The following CPS1 variants were observed in gnomAD, a reference collection of about 807,000 sequenced individuals.
CPS1 encodes the protein carbamoyl-phosphate synthase 1, also known as carbamoyl-phosphate synthase [ammonia], mitochondrial.
Under a neutral mutation model 174.6 loss-of-function variants are expected in CPS1, and 109 were observed. That is an observed-to-expected ratio of 0.62 (90% CI 0.53 to 0.73). The LOEUF (loss-of-function observed/expected upper bound fraction) is 0.73. Ranked by LOEUF, CPS1 falls within the 30% of genes least tolerant of loss-of-function variation. CPS1 has a pLI of 0.00. For synonymous variants in CPS1, 637 were observed against 632.0 expected, an observed-to-expected ratio of 1.01 and a Z score of -0.12; for missense variants, 1,689 against 1,821.9, an observed-to-expected ratio of 0.93 and a Z score of 1.33.
chr2:210,496,241 T>C (rs1184591857), intron 1 of CPS1, among the ~76,000 whole-genome samples: 1 of 151,714 alleles, frequency 6.6e-6, no homozygotes, highest in Non-Finnish European at 1.5e-5. Context: ...CATTTTACTA[T>C]GTAAGGAATG....
intron 21 of CPS1, among the ~76,000 whole-genome samples, chr2:210,630,206 C>T (rs1222583717): frequency 2.6e-5 from 4 of 151,852 alleles, no homozygotes; most frequent in Non-Finnish European, 5.9e-5. Context: ...ATTCATAGAG[C>T]ATAATTATGA....
At chr2:210,554,462 G>T (rs2106032618), upstream of CPS1, among the ~76,000 whole-genome samples, 1 of 151,790 alleles carries the variant, frequency 6.6e-6, no homozygotes, top group South Asian at 2.1e-4. Flanking sequence ...ATGCTTTGTA[G>T]TCAACTGCTA....
chr2:210,590,946 G>T, intron 9 of CPS1, 40 bp downstream of exon 9: 1 of 1,496,614 alleles, frequency 6.7e-7, no homozygotes, highest in South Asian at 1.1e-5. Flanking sequence ...AACCAGCTCT[G>T]ACATACTAAC....
intron 36 of CPS1, among the ~76,000 whole-genome samples, chr2:210,676,045 A>G (rs575208470): frequency 4.6e-5 from 7 of 152,352 alleles, no homozygotes; most frequent in Non-Finnish European, 7.3e-5. Context: ...ACGTGTTTCA[A>G]AATACTTCTT....
rs572099692 is a variant in CPS1 at position 210,478,486 on chromosome 2, T to C, written c.3+720T>C. Among the ~76,000 whole-genome samples the C allele has an allele frequency of 2.0e-5, 3 of 152,382 alleles. No homozygotes were observed. In the East Asian group the frequency reaches 5.8e-4, roughly 29 times the overall value. On this transcript the variant is annotated intron_variant, in intron 1 of 38. Coordinates refer to the CPS1 transcript ENST00000430249. ...TTCCTGTTGATTTGAAAGAGTTTTGTTTCTTTTTTTCCCGTGTTTGTGGGG... is the reference window on the plus strand; with the variant it reads ...TTCCTGTTGATTTGAAAGAGTTTTGCTTCTTTTTTTCCCGTGTTTGTGGGG...
intron 31 of CPS1, among the ~76,000 whole-genome samples, chr2:210,658,898 C>T (rs1353009181): frequency 6.6e-6 from 1 of 152,172 alleles, no homozygotes; most frequent in Non-Finnish European, 1.5e-5. Context: ...AAGTCAGTTA[C>T]AGCTTTGTAA....
chr2:210,518,427 A>C lies in CPS1; in HGVS notation c.4-38292A>C, dbSNP rs913212963. Among the ~76,000 whole-genome samples the C allele has an allele frequency of 2.6e-5, 4 of 152,034 alleles. 1 individual carries two copies. Among genetic ancestry groups the C allele is most frequent in the East Asian group, 3.9e-4 (2 of 5,162 alleles). Reference sequence around the variant, plus strand: ...ATTTCCCAACCATTCTTGTAGATAGATGTGGCCATTTACTGTGTTCTGGCC... The same window carrying C: ...ATTTCCCAACCATTCTTGTAGATAGCTGTGGCCATTTACTGTGTTCTGGCC... On this transcript the variant is annotated intron_variant, in intron 1 of 38. Coordinates refer to the CPS1 transcript ENST00000430249.
chr2:210,633,891 T>A (rs1699947275), intron 21 of CPS1, among the ~76,000 whole-genome samples: 1 of 152,208 alleles, frequency 6.6e-6, no homozygotes, highest in Admixed American at 6.5e-5. Flanking sequence ...ATTATAGATG[T>A]GATGGTTCTT....
At chr2:210,514,633 T>C (rs1405981123) in intron 1 of CPS1, among the ~76,000 whole-genome samples, 1 of 151,946 alleles carries the variant, frequency 6.6e-6, no homozygotes, top group Non-Finnish European at 1.5e-5. Context: ...AGAGAGATAG[T>C]TAGACTTCTT....
At chr2:210,555,991 G>T (rs909817874), upstream of CPS1, among the ~76,000 whole-genome samples, 1 of 151,986 alleles carries the variant, frequency 6.6e-6, no homozygotes, top group Non-Finnish European at 1.5e-5. Context: ...GGATATAATA[G>T]TCCACTTTGC....
intron 19 of CPS1, 117 bp from the exon 20 acceptor site, chr2:210,612,000 A>T: frequency 1.4e-5 from 12 of 836,274 alleles, no homozygotes; most frequent in Non-Finnish European, 2.1e-5. Flanking sequence ...GAGAGGCTTT[A>T]TGATATATTT....
At chr2:210,481,400 C>A (rs1694565543) in intron 1 of CPS1, among the ~76,000 whole-genome samples, 1 of 152,068 alleles carries the variant, frequency 6.6e-6, no homozygotes, top group Admixed American at 6.5e-5. Flanking sequence ...GGAAAGTATC[C>A]CCTTCTGGAG....
chr2:210,543,981 G>C (rs541306955), intron 1 of CPS1, among the ~76,000 whole-genome samples: 2 of 151,994 alleles, frequency 1.3e-5, no homozygotes, highest in South Asian at 2.1e-4. Flanking sequence ...GTGTTCCTTT[G>C]GTGCTCTCTT....
At chr2:210,672,844 A>C (rs1410550319) in intron 34 of CPS1, 1 of 152,204 alleles carries the variant, frequency 6.6e-6, no homozygotes, top group Non-Finnish European at 1.5e-5. Flanking sequence ...ATTTACCAAT[A>C]GTTTCCTCTT....
chr2:210,607,823 A>T (rs1376000844), intron 18 of CPS1, among the ~76,000 whole-genome samples: 2 of 151,890 alleles, frequency 1.3e-5, no homozygotes, highest in African/African-American at 4.8e-5. Flanking sequence ...GGATGAAGAT[A>T]GTCAAGTTCT....
chr2:210,606,100 G>A (rs185309771), intron 17 of CPS1, among the ~76,000 whole-genome samples: 2 of 152,040 alleles, frequency 1.3e-5, no homozygotes, highest in Non-Finnish European at 2.9e-5. Flanking sequence ...TCTTTTGGAT[G>A]TCCAAGAGAA....
At chr2:210,495,289 C>T (rs1036187952) in intron 1 of CPS1, among the ~76,000 whole-genome samples, 3 of 152,138 alleles carry the variant, frequency 2.0e-5, no homozygotes, top group South Asian at 2.1e-4. Flanking sequence ...TTGGATGTCC[C>T]ATCACCCCAT....
At position 210,637,529 on chromosome 2, in the gene CPS1, G is replaced by T. The variant is rs371546912; in HGVS notation, c.2688-173G>T. Among the ~76,000 whole-genome samples the T allele has an allele frequency of 6.6e-5, 10 of 152,266 alleles. No individual in the cohort carries two copies. In the East Asian group the frequency reaches 1.9e-3, roughly 29 times the overall value. On this transcript the variant is annotated intron_variant, in intron 21 of 37. Transcript: ENST00000233072. ...AGCTTTGCAAATAGAAGACTTCATA[G>T]AGGCTAGAAGATTGAGTGGGTTAGT...
intron 1 of CPS1, among the ~76,000 whole-genome samples, chr2:210,483,156 G>A (rs1694621903): frequency 6.6e-6 from 1 of 152,076 alleles, no homozygotes; most frequent in Admixed American, 6.6e-5. Context: ...TTTAAGCCAG[G>A]GGTAAGCAAA....
Sources: allele counts gnomAD v4.1 joint callset (sites outside exome capture counted in the v4.1 genomes callset), GRCh38; gene constraint gnomAD v4.1.1; transcripts MANE v1.5; gene names NCBI Gene and HGNC (gene_info 2026-07-23, HGNC 2026-07-21).